The following C8orf34 variants were observed in gnomAD, a reference collection of about 807,000 sequenced individuals.
C8orf34 encodes the protein uncharacterized protein C8orf34.
A neutral mutation model predicts 68.3 loss-of-function variants in C8orf34; 65 were observed. The observed-to-expected ratio is 0.95, with a 90% confidence interval of 0.78 to 1.17. C8orf34 has a LOEUF of 1.17. Ranked by LOEUF, C8orf34 falls within the 50% of genes most tolerant of loss-of-function variation. The probability of loss-of-function intolerance (pLI) is 0.00; values close to 1 mark genes in which losing one functional copy is unlikely to be tolerated. For synonymous variants in C8orf34, 244 were observed against 241.2 expected (o/e 1.01, Z -0.11); for missense variants, 664 against 655.4 (o/e 1.01, Z -0.14).
intron 8 of C8orf34, among the ~76,000 whole-genome samples, chr8:68,678,461 A>G (rs984669504): frequency 1.3e-5 from 2 of 152,224 alleles, no homozygotes; most frequent in Non-Finnish European, 2.9e-5. Flanking sequence ...GATACACCAT[A>G]TCAAGATAAT....
chr8:68,661,305 A>G (rs1019997720), intron 8 of C8orf34, among the ~76,000 whole-genome samples: 2 of 152,224 alleles, frequency 1.3e-5, no homozygotes, highest in African/African-American at 2.4e-5. Flanking sequence ...TCTGAGAGGA[A>G]GGCTCGGAAA....
At chr8:68,431,551 G>C (rs1810452663) in intron 1 of C8orf34, among the ~76,000 whole-genome samples, 1 of 152,164 alleles carries the variant, frequency 6.6e-6, no homozygotes. Flanking sequence ...ATCCTTAACT[G>C]AAAGTATTTC....
At chr8:68,366,670 G>A (rs1807272643) in intron 1 of C8orf34, among the ~76,000 whole-genome samples, 1 of 148,546 alleles carries the variant, frequency 6.7e-6, no homozygotes, top group African/African-American at 2.5e-5. Flanking sequence ...TTTAATAAAT[G>A]GTGCTGGGAA....
chr8:68,709,300 T>C (rs923723159), intron 9 of C8orf34, among the ~76,000 whole-genome samples: 30 of 152,170 alleles, frequency 2.0e-4, no homozygotes, highest in Admixed American at 4.6e-4. Flanking sequence ...GTAATCTCTT[T>C]AGGCCTGTTC....
At chr8:68,499,085 C>T (rs1813654438) in intron 5 of C8orf34, among the ~76,000 whole-genome samples, 1 of 152,078 alleles carries the variant, frequency 6.6e-6, no homozygotes, top group South Asian at 2.1e-4. Flanking sequence ...TCTTTCTCTC[C>T]CCACTCTAAT....
intron 12 of C8orf34, among the ~76,000 whole-genome samples, chr8:68,814,738 CA>C (rs1824757290): frequency 6.6e-6 from 1 of 152,064 alleles, no homozygotes; most frequent in African/African-American, 2.4e-5. Context: ...ATATAAAATC[CA>C]TGCTTTTTTT....
At chr8:68,640,682 G>T (rs1028829348) in intron 8 of C8orf34, among the ~76,000 whole-genome samples, 171 bp downstream of exon 8, 1 of 152,164 alleles carries the variant, frequency 6.6e-6, no homozygotes, top group Non-Finnish European at 1.5e-5. Context: ...TGTGCCCAGT[G>T]CCACTCAGAC....
intron 7 of C8orf34, among the ~76,000 whole-genome samples, chr8:68,564,893 A>G (rs893569886): frequency 1.3e-5 from 2 of 152,184 alleles, no homozygotes; most frequent in African/African-American, 4.8e-5. Flanking sequence ...GGAACAAATG[A>G]GGGTATCCTC....
intron 5 of C8orf34, among the ~76,000 whole-genome samples, chr8:68,491,645 C>G (rs1376117189): frequency 3.9e-5 from 6 of 152,212 alleles, no homozygotes; most frequent in Non-Finnish European, 7.3e-5. Flanking sequence ...CAGATAATCT[C>G]TTCATCTCAA....
chr8:68,398,148 A>G (rs918801224), intron 1 of C8orf34, among the ~76,000 whole-genome samples: 1 of 152,142 alleles, frequency 6.6e-6, no homozygotes, highest in African/African-American at 2.4e-5. Flanking sequence ...AGGATGGGCA[A>G]AATATACATA....
chr8:68,607,451 T>C (rs1817888872), intron 7 of C8orf34, among the ~76,000 whole-genome samples: 1 of 152,132 alleles, frequency 6.6e-6, no homozygotes, highest in African/African-American at 2.4e-5. Context: ...TGCAGATGTC[T>C]GTGTCCACAT....
At chr8:68,636,137 A>G (rs897693124) in intron 7 of C8orf34, among the ~76,000 whole-genome samples, 1 of 152,102 alleles carries the variant, frequency 6.6e-6, no homozygotes, top group Non-Finnish European at 1.5e-5. Context: ...TATCTTATGC[A>G]ATTGGTTTTG....
rs559599622 is a variant in C8orf34 at position 68,799,604 on chromosome 8, T to C, written c.1549+12068T>C. Among the ~76,000 whole-genome samples the C allele has an allele frequency of 1.1e-3, 175 of 152,302 alleles. 2 individuals are homozygous for C. The highest frequency in any genetic ancestry group is 4.1e-3 in the African/African-American group (171 of 41,566). On this transcript the variant is annotated intron_variant, in intron 12 of 13. Coordinates refer to ENST00000518698, the MANE Select transcript of C8orf34 (RefSeq NM_052958.4). The stretch of plus-strand genomic sequence containing the variant: ...TTTCCAATGAGTCTCATAAACCCTA[T>C]GGGCCAGATTACCCCCTTAAAGCAA...
At chr8:68,478,968 A>T (rs1420453641) in intron 4 of C8orf34, among the ~76,000 whole-genome samples, 1 of 152,148 alleles carries the variant, frequency 6.6e-6, no homozygotes, top group East Asian at 1.9e-4. Context: ...ACACTGAATA[A>T]GTTATTGTCA....
At chr8:68,782,619 C>G (rs755461720) in intron 11 of C8orf34, among the ~76,000 whole-genome samples, 1 of 152,156 alleles carries the variant, frequency 6.6e-6, no homozygotes, top group Non-Finnish European at 1.5e-5. Context: ...GGATAAAAAG[C>G]TGTGCCTTCT....
intron 8 of C8orf34, among the ~76,000 whole-genome samples, chr8:68,686,906 T>G (rs1304484581): frequency 6.6e-6 from 1 of 152,144 alleles, no homozygotes; most frequent in Non-Finnish European, 1.5e-5. Context: ...CTTCTAGATC[T>G]GATAAACAAA....
chr8:68,738,472 A>G (rs1352589804), intron 10 of C8orf34, among the ~76,000 whole-genome samples: 2 of 152,086 alleles, frequency 1.3e-5, no homozygotes, highest in Non-Finnish European at 2.9e-5. Flanking sequence ...CACAGGCATG[A>G]AAAACCATTC....
At chr8:68,648,572 G>C (rs1455943869) in intron 8 of C8orf34, among the ~76,000 whole-genome samples, 1 of 152,158 alleles carries the variant, frequency 6.6e-6, no homozygotes, top group Non-Finnish European at 1.5e-5. Context: ...CGGGTGGTAA[G>C]ATGCTATTTG....
At chr8:68,425,076 C>T (rs1586112915) in intron 1 of C8orf34, among the ~76,000 whole-genome samples, 1 of 152,018 alleles carries the variant, frequency 6.6e-6, no homozygotes, top group South Asian at 2.1e-4. Context: ...TTGGACAGTA[C>T]CCAATAGCCA....
Sources: allele counts gnomAD v4.1 joint callset (sites outside exome capture counted in the v4.1 genomes callset), GRCh38; gene constraint gnomAD v4.1.1; transcripts MANE v1.5; gene names NCBI Gene and HGNC (gene_info 2026-07-23, HGNC 2026-07-21).